Variants in KSR2 observed in about 807,000 individuals in gnomAD.
KSR2 encodes the protein kinase suppressor of ras 2.
Under a neutral mutation model 107.8 loss-of-function variants are expected in KSR2, and 25 were observed. The observed-to-expected ratio is 0.23, with a 90% CI of 0.17 to 0.32. The LOEUF (loss-of-function observed/expected upper bound fraction) is 0.32. Among genes scored for constraint, KSR2 ranks in the 10% least tolerant of loss-of-function variants. The pLI is 1.00. For missense variants in KSR2, 887 were observed against 1,268.9 expected, an observed-to-expected ratio of 0.70 and a Z score of 4.57; for synonymous variants, 480 against 507.0, an observed-to-expected ratio of 0.95 and a Z score of 0.71.
At chr12:117,699,534 T>C (rs1002839765) in intron 4 of KSR2, among the ~76,000 whole-genome samples, 16 of 152,368 alleles carry the variant, frequency 1.1e-4, no homozygotes, top group African/African-American at 3.8e-4. Flanking sequence ...CTGTACTGAA[T>C]GCTGTGGACA....
At chr12:117,865,902 A>C (rs189650914) in intron 1 of KSR2, among the ~76,000 whole-genome samples, 1 of 152,320 alleles carries the variant, frequency 6.6e-6, no homozygotes, top group Non-Finnish European at 1.5e-5. Context: ...ACATCGTATC[A>C]TATAGCATAG....
At chr12:117,956,248 TC>T (rs1896513155) in intron 1 of KSR2, among the ~76,000 whole-genome samples, 2 of 43,998 alleles carry the variant, frequency 4.5e-5, no homozygotes, top group African/African-American at 2.7e-4. Flanking sequence ...AGACTCTGTC[TC>T]AAAAAAAAAA....
At chr12:117,863,807 C>A (rs1893388310) in intron 1 of KSR2, among the ~76,000 whole-genome samples, 1 of 152,130 alleles carries the variant, frequency 6.6e-6, no homozygotes, top group Admixed American at 6.5e-5. Context: ...TTTCGGTGAT[C>A]AGAGGCCGCC....
Position 117,773,266 on chromosome 12 carries a change from A to G in KSR2, c.473-11742T>C, listed in dbSNP as rs1225040919. 2.0e-5 allele frequency among the ~76,000 whole-genome samples: 3 copies of G among 152,198 alleles called. No homozygotes were observed. In the East Asian group the frequency reaches 5.8e-4, roughly 29 times the overall value. The stretch of plus-strand genomic sequence containing the variant: ...TGTTTCTGGCAAATCATTTTATTTC[A>G]AGTCTTGAAATGGGTGGGGAGAAGG... On this transcript the variant is annotated intron_variant, in intron 3 of 19. Transcript: ENST00000339824.
At chr12:117,551,463 T>C (rs1877306844) in intron 9 of KSR2, among the ~76,000 whole-genome samples, 1 of 152,152 alleles carries the variant, frequency 6.6e-6, no homozygotes, top group Non-Finnish European at 1.5e-5. Context: ...CTATTTTACA[T>C]AAAGGAAAAC....
At chr12:117,666,771 G>C (rs1884674918) in intron 5 of KSR2, among the ~76,000 whole-genome samples, 1 of 152,224 alleles carries the variant, frequency 6.6e-6, no homozygotes, top group African/African-American at 2.4e-5. Flanking sequence ...AAAAGTTGCT[G>C]TCTTGGCTGG....
intron 5 of KSR2, among the ~76,000 whole-genome samples, chr12:117,641,402 C>A (rs1393257987): frequency 6.6e-6 from 1 of 152,158 alleles, no homozygotes; most frequent in African/African-American, 2.4e-5. Context: ...CAGGGCCACA[C>A]CCCCTCTAAG....
At chr12:117,952,463 A>G (rs1049504467) in intron 1 of KSR2, among the ~76,000 whole-genome samples, 4 of 152,054 alleles carry the variant, frequency 2.6e-5, no homozygotes, top group Admixed American at 1.3e-4. Context: ...AGCCTGGCCA[A>G]CATAGCAAAA....
chr12:117,531,750 G>A (rs755475886), intron 10 of KSR2, 43 bp from the exon 11 acceptor site: 20 of 1,524,184 alleles, frequency 1.3e-5, no homozygotes, highest in South Asian at 1.2e-5. Context: ...TCCCCAGGGA[G>A]ACATCGCTTC....
chr12:117,489,395 A>C (rs1472223336), intron 14 of KSR2, among the ~76,000 whole-genome samples: 1 of 152,044 alleles, frequency 6.6e-6, no homozygotes, highest in Non-Finnish European at 1.5e-5. Flanking sequence ...ATACACAAAA[A>C]AACTAGCTGT....
At chr12:117,889,159 G>A (rs1044291577) in intron 1 of KSR2, among the ~76,000 whole-genome samples, 3 of 152,084 alleles carry the variant, frequency 2.0e-5, no homozygotes, top group South Asian at 2.1e-4. Flanking sequence ...CTCCAAGGAC[G>A]GTGTGCCCCT....
chr12:117,613,682 C>T (rs912225596), intron 5 of KSR2, among the ~76,000 whole-genome samples: 1 of 152,186 alleles, frequency 6.6e-6, no homozygotes, highest in Non-Finnish European at 1.5e-5. Context: ...ATTTTCTCTC[C>T]CTTCCTCTCT....
At chr12:117,674,872 C>G (rs1300900230) in intron 4 of KSR2, among the ~76,000 whole-genome samples, 1 of 152,176 alleles carries the variant, frequency 6.6e-6, no homozygotes. Flanking sequence ...GGACCCTCCA[C>G]ACCTACCCTC....
At chr12:117,846,988 A>C (rs1201510540) in intron 3 of KSR2, among the ~76,000 whole-genome samples, 1 of 152,232 alleles carries the variant, frequency 6.6e-6, no homozygotes, top group Non-Finnish European at 1.5e-5. Flanking sequence ...ATTTGCGCCT[A>C]AGCGCGTTCG....
chr12:117,760,058 G>C (rs1053750818), intron 4 of KSR2, among the ~76,000 whole-genome samples: 6 of 152,168 alleles, frequency 3.9e-5, no homozygotes, highest in Admixed American at 2.0e-4. Context: ...GCAGTGAGCT[G>C]ACATCCCACC....
chr12:117,731,788 A>C (rs1336028841), intron 4 of KSR2, among the ~76,000 whole-genome samples: 5 of 151,420 alleles, frequency 3.3e-5, no homozygotes, highest in Non-Finnish European at 5.9e-5. Context: ...GGTTAAATGG[A>C]TTAAGGGCGG....
chr12:117,512,034 C>A (rs544290701), intron 14 of KSR2, among the ~76,000 whole-genome samples: 8 of 152,206 alleles, frequency 5.3e-5, no homozygotes, highest in Non-Finnish European at 1.2e-4. Flanking sequence ...CCACTCCCAA[C>A]TGAACCCTAG....
At position 117,701,217 on chromosome 12, in the gene KSR2, C is replaced by A. The variant is rs540982914; in HGVS notation, c.987-33559G>T. ...GATGGATTCTCCTGCCTCAGCTTCT[C>A]ACCTAGCTGAGACTATGGGCATGCA... On this transcript the variant is annotated intron_variant, in intron 4 of 19. Transcript: ENST00000339824. 5.0e-4 allele frequency among the ~76,000 whole-genome samples: 76 copies of A among 152,290 alleles called. 1 individual carries two copies. Among genetic ancestry groups the A allele is most frequent in the Non-Finnish European group, 2.9e-4 (20 of 68,032 alleles).
rs1469580555 is a variant in KSR2 at position 117,455,070 on chromosome 12, G to GAGAGAGAGAGAGAGAGAGAGAGAGAGAC, written c.*12128_*12129insGTCTCTCTCTCTCTCTCTCTCTCTCTCT. 6.0e-5 allele frequency: 9 copies of GAGAGAGAGAGAGAGAGAGAGAGAGAGAC among 149,210 alleles called. No individual in the cohort carries two copies. The highest frequency in any genetic ancestry group is 2.2e-4 in the African/African-American group (9 of 40,262). The allele number at this position is 149,210 out of a possible 1,614,324, so 9.2% of individuals were successfully genotyped here. On this transcript the variant is annotated 3_prime_UTR_variant, in exon 20 of 20. Coordinates refer to ENST00000339824, the MANE Select transcript of KSR2 (RefSeq NM_173598.6). ...AGAGAGAGAGAGAGAGAGAGAGAGA[G>GAGAGAGAGAGAGAGAGAGAGAGAGAGAC]AGGTCTGTAGAGCCAGAGAGGGATG...
Sources: allele counts gnomAD v4.1 joint callset (sites outside exome capture counted in the v4.1 genomes callset), GRCh38; gene constraint gnomAD v4.1.1; transcripts MANE v1.5; gene names NCBI Gene and HGNC (gene_info 2026-07-23, HGNC 2026-07-21).